The following FHL1 variants were observed in gnomAD, a reference collection of about 807,000 sequenced individuals.
FHL1 encodes four and a half LIM domains protein 1.
FHL1 carries 1 observed loss-of-function variant against 20.3 expected under a neutral mutation model. That is an observed-to-expected ratio of 0.05 (90% CI 0.02 to 0.23). The LOEUF (loss-of-function observed/expected upper bound fraction) is 0.23. Ranked by LOEUF, FHL1 falls within the 10% of genes least tolerant of loss-of-function variation. FHL1 has a pLI of 1.00. For missense variants in FHL1, 177 were observed against 234.0 expected, an observed-to-expected ratio of 0.76 and a Z score of 1.59; for synonymous variants, 82 against 88.9, an observed-to-expected ratio of 0.92 and a Z score of 0.44.
At chrX:136,147,115 C>T (rs1273677483), upstream of FHL1, 1 of 240,395 alleles carries the variant, frequency 4.2e-6, no homozygotes, top group Non-Finnish European at 7.8e-6. Context: ...GTGACTCCCG[C>T]AGGCCTCTAA....
At chrX:136,187,715 A>G (rs911116822) in intron 2 of FHL1, among the ~76,000 whole-genome samples, 1 of 111,889 alleles carries the variant, frequency 8.9e-6, no homozygotes, top group Non-Finnish European at 1.9e-5. Flanking sequence ...TGGGGTATGC[A>G]GAGTGATGGC....
At chrX:136,185,376 A>G (rs1375468123) in intron 2 of FHL1, among the ~76,000 whole-genome samples, 1 of 112,174 alleles carries the variant, frequency 8.9e-6, no homozygotes, top group Non-Finnish European at 1.9e-5. Context: ...AATTGCCATG[A>G]CGTGGCTGGG....
chrX:136,209,566 C>T (rs747365563), intron 5 of FHL1: 41 of 710,996 alleles, frequency 5.8e-5, no homozygotes, highest in Non-Finnish European at 8.2e-5. Flanking sequence ...AGGGCAATAG[C>T]GTGGTGGCAT....
At chrX:136,155,832 A>T (rs1460454821) in intron 1 of FHL1, among the ~76,000 whole-genome samples, 1 of 110,826 alleles carries the variant, frequency 9.0e-6, no homozygotes, top group Admixed American at 9.6e-5. Flanking sequence ...AAAACAATCA[A>T]AATAATAAGT....
upstream of FHL1, chrX:136,197,033 C>A: frequency 8.9e-7 from 1 of 1,117,950 alleles, no homozygotes; most frequent in Non-Finnish European, 1.2e-6. Context: ...AATGTATGTT[C>A]ACAAATGAGC....
intron 1 of FHL1, among the ~76,000 whole-genome samples, chrX:136,157,932 CT>C (rs200636208): frequency 0.013 from 1,454 of 111,928 alleles, 7 homozygotes; most frequent in Non-Finnish European, 0.02. Context: ...AGTGTATGTT[CT>C]TCTCAAGTAG....
chrX:136,184,250 C>T (rs1008668356), intron 2 of FHL1, among the ~76,000 whole-genome samples: 1 of 111,630 alleles, frequency 9.0e-6, no homozygotes, highest in African/African-American at 3.2e-5. Flanking sequence ...TTAATTTTTC[C>T]GAAATGAAAG....
At chrX:136,147,160 C>T (rs1173418098), upstream of FHL1, 1 of 192,459 alleles carries the variant, frequency 5.2e-6, no homozygotes, top group African/African-American at 3.0e-5. Context: ...CCGAGGCGCC[C>T]CCGGCCCGCC....
At chrX:136,149,444 AATGCTTATTTAACATTTTTAAG>A (rs374724288) in intron 1 of FHL1, among the ~76,000 whole-genome samples, 1 of 112,537 alleles carries the variant, frequency 8.9e-6, no homozygotes, top group African/African-American at 3.2e-5. Flanking sequence ...AGTCTTTAAA[AATGCTTATTTAACATTTTTAAG>A]GGCAAATATA....
chrX:136,149,634 A>T (rs764731528), intron 1 of FHL1, among the ~76,000 whole-genome samples: 1 of 111,821 alleles, frequency 8.9e-6, no homozygotes, highest in Non-Finnish European at 1.9e-5. Flanking sequence ...AGAAAAGGAA[A>T]ATATTTTTTT....
rs1025593379 is a variant in FHL1, at chrX:136,180,946, T to A, written c.-27+10966T>A. Among the ~76,000 whole-genome samples the A allele has an allele frequency of 2.7e-5, 3 of 111,933 alleles. No individual in the cohort carries two copies. The Admixed American group carries it at 2.8e-4, about 11-fold the overall frequency. On this transcript the variant is annotated intron_variant, in intron 2 of 6. Transcript: ENST00000394153. Reference sequence around the variant, plus strand: ...TAGTAGAGACGGGGTTTTGCCATGTTGGCCAGGCTGGTCGTGAACTCCTGA... The same window carrying A: ...TAGTAGAGACGGGGTTTTGCCATGTAGGCCAGGCTGGTCGTGAACTCCTGA...
At chrX:136,178,637 C>T (rs2073071711) in intron 2 of FHL1, among the ~76,000 whole-genome samples, 1 of 111,777 alleles carries the variant, frequency 8.9e-6, no homozygotes, top group Non-Finnish European at 1.9e-5. Context: ...AACAACAAAA[C>T]CCAAACCAAA....
intron 1 of FHL1, among the ~76,000 whole-genome samples, chrX:136,202,117 C>G (rs1215332429): frequency 9.0e-6 from 1 of 110,944 alleles, no homozygotes; most frequent in Non-Finnish European, 1.9e-5. Flanking sequence ...GCAATCCCAT[C>G]AAGTTGGGAG....
chrX:136,148,183 CG>C (rs1208932375), intron 1 of FHL1: 1 of 93,336 alleles, frequency 1.1e-5, no homozygotes, highest in Non-Finnish European at 2.1e-5. Flanking sequence ...TCAAGGATGG[CG>C]GGGATCGTGG....
chrX:136,179,089 C>T (rs2073088669), intron 2 of FHL1, among the ~76,000 whole-genome samples: 1 of 112,080 alleles, frequency 8.9e-6, no homozygotes, highest in African/African-American at 3.2e-5. Context: ...TTCATTAGGG[C>T]TACAAATTCA....
intron 2 of FHL1, among the ~76,000 whole-genome samples, chrX:136,191,674 A>C (rs1369644293): frequency 8.9e-6 from 1 of 112,510 alleles, no homozygotes; most frequent in African/African-American, 3.2e-5. Flanking sequence ...GATAGATCGT[A>C]TGTTACTAGC....
At chrX:136,184,307 C>T (rs1480896254) in intron 2 of FHL1, among the ~76,000 whole-genome samples, 1 of 111,748 alleles carries the variant, frequency 8.9e-6, no homozygotes, top group Non-Finnish European at 1.9e-5. Context: ...TGAGGGCTTT[C>T]CAAGTTATTT....
intron 1 of FHL1, among the ~76,000 whole-genome samples, chrX:136,197,891 A>G (rs1011756357): frequency 3.6e-5 from 4 of 111,554 alleles, no homozygotes; most frequent in Non-Finnish European, 7.5e-5. Context: ...TGGGGCTGGT[A>G]AAGTCAGACG....
rs757798011 is a variant in FHL1 at position 136,208,616 on chromosome X, T to C, written c.711T>C (p.Cys237=). The C allele has an allele frequency of 1.7e-6, 2 of 1,211,377 alleles. No homozygotes were observed. Among genetic ancestry groups the C allele is most frequent in the Admixed American group, 2.2e-5 (1 of 46,049 alleles). ...ACAAGAACTTTGTGGCCAAGAAGTG[T>C]GCTGGATGCAAGAACCCCATCACTG... ...DCYKNFVAKK[C]AGCKNPITGF... is the part of the protein sequence containing the mutation. Residue 237 remains cysteine, a synonymous_variant, in exon 5 of 6, where the codon TGT becomes TGC. Transcript: ENST00000370683.
Sources: gnomAD v4.1 joint callset for allele counts (sites outside exome capture counted in the v4.1 genomes callset) on GRCh38, gnomAD v4.1.1 for gene constraint, MANE v1.5 for transcripts, NCBI Gene and HGNC (gene_info 2026-07-23, HGNC 2026-07-21) for gene names.